SMIM13: variants seen among roughly 807,000 people sequenced by gnomAD.
SMIM13 encodes UPF0766 protein C6orf228.
A neutral mutation model predicts 5.9 loss-of-function variants in SMIM13; 3 were observed. The observed-to-expected ratio is 0.51, with a 90% CI of 0.23 to 1.31. The LOEUF (loss-of-function observed/expected upper bound fraction) is 1.31. SMIM13 is among the 40% of genes most tolerant of loss of function. The pLI is 0.18. For synonymous variants in SMIM13, 55 were observed against 46.0 expected, an observed-to-expected ratio of 1.19 and a Z score of -0.79; for missense variants, 85 against 109.9, an observed-to-expected ratio of 0.77 and a Z score of 1.01.
intron 1 of SMIM13, chr6:11,104,153 C>T (rs1758044884): frequency 6.4e-7 from 1 of 1,551,590 alleles, no homozygotes. Context: ...TGGCTATTTC[C>T]TTTGAGAGCT....
chr6:11,104,775 G>A (rs1758058405), intron 1 of SMIM13: 1 of 1,614,110 alleles, frequency 6.2e-7, no homozygotes, highest in South Asian at 1.1e-5. Flanking sequence ...CTGAGGAAAA[G>A]TAATATTTGG....
intron 1 of SMIM13, among the ~76,000 whole-genome samples, chr6:11,119,887 C>G (rs907027964): frequency 6.6e-6 from 1 of 152,134 alleles, no homozygotes; most frequent in Non-Finnish European, 1.5e-5. Flanking sequence ...TTAATAACTT[C>G]TAGCATTGCC....
chr6:11,096,883 G>A (rs749548075), intron 1 of SMIM13, among the ~76,000 whole-genome samples: 23 of 152,218 alleles, frequency 1.5e-4, no homozygotes, highest in Non-Finnish European at 2.9e-4. Flanking sequence ...TAGAGATGGG[G>A]TTTCTCCATG....
At chr6:11,105,894 A>G (rs1352959366) in intron 1 of SMIM13, among the ~76,000 whole-genome samples, 1 of 152,200 alleles carries the variant, frequency 6.6e-6, no homozygotes, top group Non-Finnish European at 1.5e-5. Flanking sequence ...ATGGCCTACC[A>G]TATAAAGCCT....
At chr6:11,103,727 G>T (rs1267509053) in intron 1 of SMIM13, 1 of 1,551,578 alleles carries the variant, frequency 6.4e-7, no homozygotes, top group South Asian at 1.2e-5. Context: ...TGCGAGGATG[G>T]CGTCCTGCAC....
intron 1 of SMIM13, among the ~76,000 whole-genome samples, chr6:11,096,794 G>A (rs1039224286): frequency 2.0e-5 from 3 of 152,078 alleles, no homozygotes; most frequent in African/African-American, 7.2e-5. Flanking sequence ...CTGCCACCCG[G>A]GTTCAAGCAA....
Position 11,094,214 on chromosome 6 carries a change from C to G in SMIM13, c.-100C>G, listed in dbSNP as rs1272415322. ...CGCCCATGCCGCCCCGGCGCCCAGCCGCGCCTGGCGCCCGCCGCTGAAGCG... is the reference window on the plus strand; with the variant it reads ...CGCCCATGCCGCCCCGGCGCCCAGCGGCGCCTGGCGCCCGCCGCTGAAGCG... On this transcript the variant is annotated 5_prime_UTR_variant, in exon 1 of 2. Transcript: ENST00000416247. 4.2e-6 allele frequency: 2 copies of G among 478,726 alleles called. No homozygotes were observed. The highest frequency in any genetic ancestry group is 5.5e-6 in the Non-Finnish European group (2 of 363,982). The allele number at this position is 478,726 out of a possible 1,614,324, so 29.7% of individuals were successfully genotyped here.
chr6:11,125,092 A>G lies in SMIM13; in HGVS notation c.77-9311A>G, dbSNP rs375191006. Among the ~76,000 whole-genome samples, 108 of 152,066 alleles carry G rather than the reference A, an allele frequency of 7.1e-4. 1 individual carries two copies. In the East Asian group the frequency reaches 0.013, roughly 18 times the overall value. ...CAGGAGTTCGAGACCAGCCTGGCCA[A>G]CATGGTGAAACCCCATCTCTACTAA... On this transcript the variant is annotated intron_variant, in intron 1 of 1. Coordinates refer to ENST00000416247, the MANE Select transcript of SMIM13 (RefSeq NM_001135575.2).
chr6:11,097,881 T>C (rs887783097), intron 1 of SMIM13, among the ~76,000 whole-genome samples: 7 of 152,158 alleles, frequency 4.6e-5, no homozygotes, highest in African/African-American at 7.2e-5. Flanking sequence ...TGGTAAATGC[T>C]GTGAACCTTT....
intron 1 of SMIM13, among the ~76,000 whole-genome samples, chr6:11,129,076 A>AG (rs750106583): frequency 8.1e-4 from 98 of 121,612 alleles, no homozygotes; most frequent in African/African-American, 3.0e-3. Flanking sequence ...TGCTACCGGG[A>AG]GCGGGGGGGG....
intron 1 of SMIM13, among the ~76,000 whole-genome samples, chr6:11,099,381 G>A (rs753831201): frequency 1.3e-5 from 2 of 152,056 alleles, no homozygotes; most frequent in African/African-American, 4.8e-5. Context: ...CACCATGTTG[G>A]CCAGGATGGT....
intron 1 of SMIM13, among the ~76,000 whole-genome samples, chr6:11,132,110 A>T (rs1758456747): frequency 6.6e-6 from 1 of 152,204 alleles, no homozygotes; most frequent in Admixed American, 6.5e-5. Flanking sequence ...AAAATGAGCA[A>T]AAGAAATGAA....
chr6:11,119,917 G>A (rs1055632283), intron 1 of SMIM13, among the ~76,000 whole-genome samples: 1 of 152,206 alleles, frequency 6.6e-6, no homozygotes, highest in Non-Finnish European at 1.5e-5. Flanking sequence ...ATTGAGAAAG[G>A]GGTGTGTACA....
rs547480003 is a variant in SMIM13, at chr6:11,111,441, G to C, written c.76+17052G>C. Among the ~76,000 whole-genome samples, 209 of 152,194 alleles carry C rather than the reference G, an allele frequency of 1.4e-3. 5 individuals are homozygous for C. The East Asian group carries it at 0.034, about 25-fold the overall frequency. On this transcript the variant is annotated intron_variant, in intron 1 of 1. Transcript: ENST00000416247. ...TACCGCTCTCATCAGCCTCCTGTCT[G>C]GGGGGGCCATTAGTGTCTCAGGTCT... is the stretch of plus-strand genomic sequence containing the variant.
chr6:11,095,888 A>G (rs1001788320), intron 1 of SMIM13, among the ~76,000 whole-genome samples: 3 of 152,210 alleles, frequency 2.0e-5, no homozygotes, highest in Admixed American at 6.5e-5. Flanking sequence ...AAGGAGGGAA[A>G]GCATTTATTA....
chr6:11,130,745 C>T lies in SMIM13; in HGVS notation c.77-3658C>T, dbSNP rs114107063. On this transcript the variant is annotated intron_variant, in intron 1 of 1. Transcript: ENST00000416247. ...AGCTGAATGCTCTTGTATTCCAAGC[C>T]TCTGAAAGCTACAGCTGTCCTTAGT... Among the ~76,000 whole-genome samples the T allele has an allele frequency of 9.1e-3, 1,393 of 152,252 alleles. 7 individuals are homozygous for T. Among genetic ancestry groups the T allele is most frequent in the Middle Eastern group, 0.027 (8 of 294 alleles).
rs537462311 is a variant in SMIM13 at position 11,138,582 on chromosome 6, T to C, written c.*3980T>C. Reference sequence around the variant, plus strand: ...TGTTTTAATAGTACCTTTGTATATATAACAAGATGTAAAATTAAAGATGAG... The same window carrying C: ...TGTTTTAATAGTACCTTTGTATATACAACAAGATGTAAAATTAAAGATGAG... On this transcript the variant is annotated 3_prime_UTR_variant, in exon 2 of 2. Transcript: ENST00000416247. 2.8e-4 allele frequency: 43 copies of C among 152,262 alleles called. No homozygotes were observed. The highest frequency in any genetic ancestry group is 9.9e-4 in the African/African-American group (41 of 41,578). The allele number at this position is 152,262 out of a possible 1,614,324, so 9.4% of individuals were successfully genotyped here.
At chr6:11,122,847 A>G (rs1175952694) in intron 1 of SMIM13, among the ~76,000 whole-genome samples, 3 of 152,064 alleles carry the variant, frequency 2.0e-5, no homozygotes, top group Non-Finnish European at 2.9e-5. Context: ...TAATAAAGGT[A>G]GAGGAGATAT....
At chr6:11,104,285 A>G (rs547405862) in intron 1 of SMIM13, 3 of 1,551,726 alleles carry the variant, frequency 1.9e-6, no homozygotes, top group African/African-American at 2.7e-5. Context: ...GCAACGGGGA[A>G]TTCCCATAGA....
Sources: gnomAD v4.1 joint callset for allele counts (sites outside exome capture counted in the v4.1 genomes callset) on GRCh38, gnomAD v4.1.1 for gene constraint, MANE v1.5 for transcripts, NCBI Gene and HGNC (gene_info 2026-07-23, HGNC 2026-07-21) for gene names.